Variants in BCKDHB observed in about 807,000 individuals in gnomAD.
The protein encoded by BCKDHB is 2-oxoisovalerate dehydrogenase subunit beta, mitochondrial.
In BCKDHB, 41 loss-of-function variants were observed where a neutral mutation model predicts 48.5. That is an observed-to-expected ratio of 0.85 (90% CI 0.66 to 1.10). The LOEUF (loss-of-function observed/expected upper bound fraction) is 1.10. Ranked by LOEUF, BCKDHB falls within the 50% of genes least tolerant of loss-of-function variation. BCKDHB has a pLI of 0.00. For synonymous variants in BCKDHB, 201 were observed against 174.8 expected, an observed-to-expected ratio of 1.15 and a Z score of -1.18; for missense variants, 496 against 494.2, an observed-to-expected ratio of 1.00 and a Z score of -0.03.
chr6:80,219,717 G>A (rs528003749), intron 8 of BCKDHB, among the ~76,000 whole-genome samples: 1 of 152,256 alleles, frequency 6.6e-6, no homozygotes, highest in East Asian at 1.9e-4. Flanking sequence ...GGTGCAGGAG[G>A]TTTTCTGACA....
chr6:80,229,724 G>A (rs1562156102), intron 8 of BCKDHB, among the ~76,000 whole-genome samples: 1 of 152,038 alleles, frequency 6.6e-6, no homozygotes, highest in East Asian at 1.9e-4. Context: ...AAATAATTGA[G>A]AGAAGAAGCT....
intron 3 of BCKDHB, among the ~76,000 whole-genome samples, chr6:80,147,274 C>T (rs11759772): frequency 2.0e-5 from 3 of 152,102 alleles, no homozygotes; most frequent in Non-Finnish European, 2.9e-5. Context: ...GTGATTAAAC[C>T]TGACATTGTG....
rs141652551 is a variant in BCKDHB at position 80,142,102 on chromosome 6, G to A, written c.343+12873G>A. The stretch of plus-strand genomic sequence containing the variant: ...ATTTCTTATGTATTTGGAGTTGCTT[G>A]TTTTTTGATTCAGATATAATTTTTG... On this transcript the variant is annotated intron_variant, in intron 3 of 9. Coordinates refer to ENST00000320393, the MANE Select transcript of BCKDHB (RefSeq NM_183050.4). Among the ~76,000 whole-genome samples the A allele has an allele frequency of 1.7e-3, 265 of 152,036 alleles. 1 individual carries two copies. Among genetic ancestry groups the A allele is most frequent in the African/African-American group, 6.0e-3 (251 of 41,536 alleles).
intron 6 of BCKDHB, among the ~76,000 whole-genome samples, chr6:80,182,898 C>G (rs1432224204): frequency 1.3e-5 from 2 of 152,078 alleles, no homozygotes; most frequent in Non-Finnish European, 2.9e-5. Flanking sequence ...ATTTCTGTAT[C>G]TATTCACATA....
intron 3 of BCKDHB, among the ~76,000 whole-genome samples, chr6:80,130,411 T>C (rs1027924544): frequency 5.9e-5 from 9 of 152,282 alleles, no homozygotes; most frequent in Admixed American, 3.3e-4. Context: ...GGTTATGTTA[T>C]ACTTAAATCC....
At chr6:80,173,987 G>A (rs541743327) in intron 6 of BCKDHB, among the ~76,000 whole-genome samples, 15 of 152,064 alleles carry the variant, frequency 9.9e-5, no homozygotes, top group African/African-American at 3.4e-4. Flanking sequence ...TGTATTGAAG[G>A]AATCAAAGAG....
chr6:80,190,575 G>A (rs1773848311), intron 6 of BCKDHB, among the ~76,000 whole-genome samples: 1 of 152,018 alleles, frequency 6.6e-6, no homozygotes, highest in Non-Finnish European at 1.5e-5. Flanking sequence ...ATACTTTAAA[G>A]GTGCTTAAAC....
chr6:80,248,210 A>G (rs1051162651), intron 8 of BCKDHB, among the ~76,000 whole-genome samples: 1 of 152,174 alleles, frequency 6.6e-6, no homozygotes, highest in African/African-American at 2.4e-5. Context: ...AGTCAGCACC[A>G]CAGTGTCCAA....
chr6:80,317,891 T>C (rs1047262613), intron 9 of BCKDHB, among the ~76,000 whole-genome samples: 4 of 152,322 alleles, frequency 2.6e-5, no homozygotes, highest in African/African-American at 9.6e-5. Flanking sequence ...ACTGTTTCTA[T>C]TGGTGTAACA....
chr6:80,131,664 A>G (rs1175140936), intron 3 of BCKDHB, among the ~76,000 whole-genome samples: 1 of 149,548 alleles, frequency 6.7e-6, no homozygotes. Flanking sequence ...TTTTTTTGAG[A>G]TGGAGTCTCG....
chr6:80,398,838 A>G, the BCKDHB span, among the ~76,000 whole-genome samples: 1 of 152,204 alleles, frequency 6.6e-6, no homozygotes, highest in Non-Finnish European at 1.5e-5. Flanking sequence ...TTGATGCAAA[A>G]ATCTTGAGCA....
chr6:80,408,982 T>A, the BCKDHB span, among the ~76,000 whole-genome samples: 1 of 152,218 alleles, frequency 6.6e-6, no homozygotes, highest in African/African-American at 2.4e-5. Context: ...CAATTTTAGA[T>A]CTTTCTTGCT....
the BCKDHB span, among the ~76,000 whole-genome samples, chr6:80,380,142 A>C: frequency 1.3e-5 from 2 of 152,110 alleles, no homozygotes; most frequent in African/African-American, 4.8e-5. Context: ...ACTCCTAAGC[A>C]GAAAGAACAA....
At chr6:80,253,484 A>T (rs776578664) in intron 8 of BCKDHB, among the ~76,000 whole-genome samples, 26 of 152,134 alleles carry the variant, frequency 1.7e-4, no homozygotes, top group Admixed American at 1.4e-3. Flanking sequence ...TTCTTGGGCT[A>T]TGTATCCATT....
the BCKDHB span, among the ~76,000 whole-genome samples, chr6:80,410,741 C>T: frequency 2.0e-5 from 3 of 152,154 alleles, no homozygotes; most frequent in Admixed American, 6.6e-5. Context: ...AATCAGCTAT[C>T]GAAGCTTGTG....
chr6:80,204,596 G>A (rs919113396), intron 8 of BCKDHB, among the ~76,000 whole-genome samples: 7 of 152,010 alleles, frequency 4.6e-5, no homozygotes, highest in African/African-American at 1.7e-4. Flanking sequence ...GATGTTTTAT[G>A]ATGGCGCAGT....
chr6:80,433,039 G>A, the BCKDHB span, among the ~76,000 whole-genome samples: 13 of 152,250 alleles, frequency 8.5e-5, no homozygotes, highest in South Asian at 2.1e-4. Flanking sequence ...TGGAAGCTTC[G>A]TCTCAGAGGG....
At chr6:80,356,684 A>T in the BCKDHB span, 2 of 152,222 alleles carry the variant, frequency 1.3e-5, no homozygotes, top group East Asian at 3.9e-4. Flanking sequence ...TGTTTATTAC[A>T]CAAAGTAATA....
intron 8 of BCKDHB, among the ~76,000 whole-genome samples, chr6:80,269,434 C>T (rs542057557): frequency 3.3e-5 from 5 of 152,022 alleles, no homozygotes; most frequent in Non-Finnish European, 7.4e-5. Context: ...ATCTTTTGTT[C>T]CTTTGCAGGG....
Sources: gnomAD v4.1 joint callset for allele counts (sites outside exome capture counted in the v4.1 genomes callset) on GRCh38, gnomAD v4.1.1 for gene constraint, MANE v1.5 for transcripts, NCBI Gene and HGNC (gene_info 2026-07-23, HGNC 2026-07-21) for gene names.